The following RPTOR variants were observed in gnomAD, a reference collection of about 807,000 sequenced individuals.
The protein encoded by RPTOR is regulatory associated protein of MTOR complex 1, also known as regulatory-associated protein of mTOR.
Under a neutral mutation model 169.9 loss-of-function variants are expected in RPTOR, and 21 were observed. The observed-to-expected ratio is 0.12, with a 90% CI of 0.09 to 0.18. The LOEUF (loss-of-function observed/expected upper bound fraction) is 0.18, where lower values mean the gene tolerates loss of function less well. Ranked by LOEUF, RPTOR falls within the 10% of genes least tolerant of loss-of-function variation. The pLI is 1.00. For synonymous variants in RPTOR, 732 were observed against 753.2 expected, an observed-to-expected ratio of 0.97 and a Z score of 0.46; for missense variants, 1,133 against 1,855.9, an observed-to-expected ratio of 0.61 and a Z score of 7.16.
intron 1 of RPTOR, among the ~76,000 whole-genome samples, chr17:80,561,073 ATTTTAT>A (rs2084480723): frequency 6.6e-6 from 1 of 151,742 alleles, no homozygotes; most frequent in Non-Finnish European, 1.5e-5. Flanking sequence ...ATGGCATTTT[ATTTTAT>A]TTTATTTTTG....
chr17:80,715,626 G>T (rs550653751), intron 4 of RPTOR, among the ~76,000 whole-genome samples: 1 of 151,436 alleles, frequency 6.6e-6, no homozygotes, highest in African/African-American at 2.4e-5. Flanking sequence ...TAGGTTATTG[G>T]GGTACAGGTG....
At chr17:80,906,813 C>T (rs898883918) in intron 20 of RPTOR, among the ~76,000 whole-genome samples, 5 of 152,104 alleles carry the variant, frequency 3.3e-5, no homozygotes, top group Non-Finnish European at 5.9e-5. Flanking sequence ...CAATTCCACA[C>T]GGCTCAGTCC....
chr17:80,843,287 C>T (rs2067690741), intron 10 of RPTOR, among the ~76,000 whole-genome samples: 1 of 152,138 alleles, frequency 6.6e-6, no homozygotes, highest in Non-Finnish European at 1.5e-5. Context: ...CTAACAGTGA[C>T]ATAGAACCCT....
At chr17:80,838,592 G>C (rs539992389) in intron 10 of RPTOR, among the ~76,000 whole-genome samples, 5 of 152,344 alleles carry the variant, frequency 3.3e-5, no homozygotes, top group African/African-American at 1.2e-4. Context: ...TAAATAAGAC[G>C]GAGGCCCTGC....
At chr17:80,549,885 G>T (rs1003189525) in intron 1 of RPTOR, among the ~76,000 whole-genome samples, 7 of 152,220 alleles carry the variant, frequency 4.6e-5, no homozygotes, top group African/African-American at 1.7e-4. Flanking sequence ...TTCCATGCAT[G>T]TGTAGGACCA....
At chr17:80,738,896 A>G (rs1157592282) in intron 5 of RPTOR, among the ~76,000 whole-genome samples, 1 of 152,214 alleles carries the variant, frequency 6.6e-6, no homozygotes, top group Non-Finnish European at 1.5e-5. Context: ...AACAAAGAAA[A>G]CTTGATTAGC....
At chr17:80,660,440 C>T (rs751082081) in intron 3 of RPTOR, among the ~76,000 whole-genome samples, 2 of 152,058 alleles carry the variant, frequency 1.3e-5, no homozygotes, top group Admixed American at 6.6e-5. Context: ...AGTGATGGAT[C>T]GTACAACCTT....
intron 20 of RPTOR, among the ~76,000 whole-genome samples, chr17:80,897,113 T>G (rs1402543384): frequency 1.3e-5 from 2 of 151,746 alleles, no homozygotes; most frequent in African/African-American, 4.8e-5. Flanking sequence ...ATAAAAAAAT[T>G]AGCCAGGTGT....
intron 5 of RPTOR, among the ~76,000 whole-genome samples, chr17:80,736,759 G>A (rs946660281): frequency 2.6e-5 from 4 of 152,200 alleles, no homozygotes; most frequent in Non-Finnish European, 4.4e-5. Flanking sequence ...CCATCAGTTA[G>A]TTCTTTGGGT....
At chr17:80,570,717 T>C (rs973618240) in intron 1 of RPTOR, among the ~76,000 whole-genome samples, 13 of 152,326 alleles carry the variant, frequency 8.5e-5, no homozygotes, top group Non-Finnish European at 1.6e-4. Flanking sequence ...TGCCTCGGCC[T>C]CCCAAAGTGC....
At chr17:80,680,882 T>C (rs1044264590) in intron 3 of RPTOR, among the ~76,000 whole-genome samples, 1 of 152,186 alleles carries the variant, frequency 6.6e-6, no homozygotes, top group African/African-American at 2.4e-5. Flanking sequence ...ACAGGTTACA[T>C]GGACCCTCTC....
At chr17:80,558,028 A>G (rs1411217973) in intron 1 of RPTOR, among the ~76,000 whole-genome samples, 2 of 152,062 alleles carry the variant, frequency 1.3e-5, no homozygotes, top group African/African-American at 2.4e-5. Flanking sequence ...GGCTGGGCAC[A>G]GTGGCTGATG....
At chr17:80,895,686 G>C (rs989092485) in intron 20 of RPTOR, among the ~76,000 whole-genome samples, 2 of 152,238 alleles carry the variant, frequency 1.3e-5, no homozygotes, top group African/African-American at 4.8e-5. Flanking sequence ...AGCTTTTGTA[G>C]ATGTCGCCCC....
intron 3 of RPTOR, among the ~76,000 whole-genome samples, chr17:80,691,312 CGTGTGTGCAT>C (rs1455156047): frequency 9.1e-6 from 1 of 109,760 alleles, no homozygotes; most frequent in East Asian, 1.9e-4. Context: ...TGTGCATGCA[CGTGTGTGCAT>C]GCATAGGTAT....
At chr17:80,755,141 C>T (rs543653063) in intron 6 of RPTOR, among the ~76,000 whole-genome samples, 96 of 152,272 alleles carry the variant, frequency 6.3e-4, no homozygotes, top group African/African-American at 2.0e-3. Flanking sequence ...CAGCCAAGTC[C>T]AAATTGATCC....
rs558310770 is a variant in RPTOR at position 80,618,189 on chromosome 17, G to A, written c.163-7502G>A. 1.5e-3 allele frequency among the ~76,000 whole-genome samples: 231 copies of A among 152,222 alleles called. 2 individuals are homozygous for A. Among genetic ancestry groups the A allele is most frequent in the African/African-American group, 5.4e-3 (225 of 41,532 alleles). On this transcript the variant is annotated intron_variant, in intron 1 of 33. Coordinates refer to ENST00000306801, the MANE Select transcript of RPTOR (RefSeq NM_020761.3). ...TTTTGTAGAGACAGGGTTTCACCAC[G>A]TTGGCCAGAGTGATCTCAAACTCCT...
In RPTOR at chr17:80,837,950, T is replaced by C; in HGVS notation, c.1165T>C (p.Cys389Arg). ...AGCCTGGGACCTGGCTGTTGACATC[T>C]GTCTGTCTCAGCTGCCGACGATCAT... ...WQAWDLAVDI[C>R]LSQLPTIIEE... Residue 389 changes from cysteine to arginine, a missense_variant, in exon 10 of 34, where the codon TGT (cysteine) becomes CGT (arginine). Around this residue, in one of 9 missense-constraint regions of RPTOR, gnomAD observed 289 missense variants for 585.8 expected, o/e 0.49. Coordinates refer to ENST00000306801, the MANE Select transcript of RPTOR (RefSeq NM_020761.3). The C allele has an allele frequency of 1.2e-6, 2 of 1,612,142 alleles. No homozygotes were observed. Among genetic ancestry groups the C allele is most frequent in the Non-Finnish European group, 1.7e-6 (2 of 1,179,180 alleles).
chr17:80,793,168 T>G (rs1598307398), intron 7 of RPTOR, among the ~76,000 whole-genome samples: 1 of 152,348 alleles, frequency 6.6e-6, no homozygotes, highest in East Asian at 1.9e-4. Flanking sequence ...CAATGCTCTT[T>G]GGAGCATTTT....
chr17:80,672,776 C>T (rs1160072442), intron 3 of RPTOR, among the ~76,000 whole-genome samples: 2 of 151,644 alleles, frequency 1.3e-5, no homozygotes, highest in Non-Finnish European at 2.9e-5. Context: ...GGCGACAGAG[C>T]GAGACTCTGT....
Sources: gnomAD v4.1 joint callset for allele counts (sites outside exome capture counted in the v4.1 genomes callset) on GRCh38, gnomAD v4.1.1 for gene constraint, gnomAD v4.1.1 regional missense constraint, MANE v1.5 for transcripts, NCBI Gene and HGNC (gene_info 2026-07-23, HGNC 2026-07-21) for gene names.